The following GALK2 variants were observed in gnomAD, a reference collection of about 807,000 sequenced individuals.
GALK2 encodes N-acetylgalactosamine kinase.
In GALK2, 36 loss-of-function variants were observed where a neutral mutation model predicts 52.4. That is an observed-to-expected ratio of 0.69 (90% CI 0.53 to 0.91). GALK2 has a LOEUF of 0.91. Ranked by LOEUF, GALK2 falls within the 40% of genes least tolerant of loss-of-function variation. The pLI, the probability that GALK2 is intolerant of heterozygous loss-of-function variation, is 0.00. For missense variants in GALK2, 579 were observed against 559.1 expected, an observed-to-expected ratio of 1.04 and a Z score of -0.36; for synonymous variants, 176 against 199.1, an observed-to-expected ratio of 0.88 and a Z score of 0.98.
chr15:49,185,027 G>C (rs1003669534), intron 1 of GALK2, among the ~76,000 whole-genome samples: 83 of 152,184 alleles, frequency 5.5e-4, no homozygotes, highest in African/African-American at 1.9e-3. Flanking sequence ...GTGCACCTTT[G>C]TTATATGGGA....
chr15:49,222,870 C>G (rs8025550), intron 3 of GALK2, among the ~76,000 whole-genome samples: 37,718 of 152,044 alleles, frequency 0.25, 4,960 homozygotes, highest in African/African-American at 0.31. Flanking sequence ...TTACACCTTT[C>G]TCTAATTTTA....
Position 49,183,221 on chromosome 15 carries a change from C to T in GALK2, c.53+12846C>T, listed in dbSNP as rs189730551. ...TTATACTAATTTCGGGTTTGGCTTT[C>T]TCTTGTCTTTCCATGTTTAGATGCA... On this transcript the variant is annotated intron_variant, in intron 1 of 9. Transcript: ENST00000560031. 3.0e-4 allele frequency among the ~76,000 whole-genome samples: 45 copies of T among 152,008 alleles called. 1 individual carries two copies. The South Asian group carries it at 4.6e-3, about 15-fold the overall frequency.
Position 49,328,206 on chromosome 15 carries a change from T to C in GALK2, c.*47T>C, listed in dbSNP as rs2037868018. 1.3e-6 allele frequency: 2 copies of C among 1,563,368 alleles called. No individual in the cohort carries two copies. The highest frequency in any genetic ancestry group is 2.7e-5 in the African/African-American group (2 of 73,414). ...GAAACTACTTAGGGCACTTAGGAAT[T>C]GGCAGGACTTTCTGTGCCACAGTAA... On this transcript the variant is annotated 3_prime_UTR_variant, in exon 10 of 10. Transcript: ENST00000560031.
chr15:49,178,318 T>C (rs1479310424), intron 1 of GALK2: 1 of 132,380 alleles, frequency 7.6e-6, no homozygotes, highest in African/African-American at 2.6e-5. Flanking sequence ...TATGCACATA[T>C]ATGTATGTAC....
intron 5 of GALK2, among the ~76,000 whole-genome samples, chr15:49,264,991 GT>G (rs2092300758): frequency 6.6e-6 from 1 of 152,184 alleles, no homozygotes; most frequent in East Asian, 1.9e-4. Context: ...CTACTGGGGG[GT>G]GCCTCCCAGT....
At chr15:49,292,042 A>G (rs1216108342) in intron 7 of GALK2, among the ~76,000 whole-genome samples, 1 of 151,972 alleles carries the variant, frequency 6.6e-6, no homozygotes, top group African/African-American at 2.4e-5. Context: ...GAAAGTGGTG[A>G]CAGGCCAAAA....
At chr15:49,353,693 C>T (rs1226436084) in intron 3 of GALK2, 1 of 151,286 alleles carries the variant, frequency 6.6e-6, no homozygotes, top group Non-Finnish European at 1.5e-5. Flanking sequence ...TCACTTCGCC[C>T]AGAGTATTTT....
At chr15:49,261,795 C>G (rs2092123812) in intron 5 of GALK2, among the ~76,000 whole-genome samples, 1 of 152,062 alleles carries the variant, frequency 6.6e-6, no homozygotes, top group South Asian at 2.1e-4. Context: ...TGAATTTTGT[C>G]AAAGGCTTTT....
At chr15:49,295,551 C>G (rs560377300) in intron 8 of GALK2, among the ~76,000 whole-genome samples, 1 of 152,242 alleles carries the variant, frequency 6.6e-6, no homozygotes, top group South Asian at 2.1e-4. Flanking sequence ...CATGGTGTCA[C>G]TTAGTTCAGA....
upstream of GALK2, among the ~76,000 whole-genome samples, chr15:49,169,438 C>T (rs571491030): frequency 7.2e-5 from 11 of 152,170 alleles, no homozygotes; most frequent in African/African-American, 2.4e-4. Flanking sequence ...CACCTTTCGT[C>T]GTTCATTCAG....
At chr15:49,203,361 T>C (rs890633381) in intron 2 of GALK2, among the ~76,000 whole-genome samples, 2 of 152,292 alleles carry the variant, frequency 1.3e-5, no homozygotes, top group Non-Finnish European at 2.9e-5. Context: ...CATTTGCCAA[T>C]TTTTTAATTG....
intron 3 of GALK2, among the ~76,000 whole-genome samples, chr15:49,229,427 T>C (rs529858444): frequency 6.6e-6 from 1 of 152,180 alleles, no homozygotes; most frequent in African/African-American, 2.4e-5. Context: ...TGCATTGTTG[T>C]TGGTGGCTGT....
At chr15:49,337,481 G>GAA (rs2039929735) in intron 3 of GALK2, among the ~76,000 whole-genome samples, 6 of 36,916 alleles carry the variant, frequency 1.6e-4, no homozygotes, top group African/African-American at 6.2e-4. Context: ...TTGGACACTT[G>GAA]CAATGTCTGT....
intron 3 of GALK2, among the ~76,000 whole-genome samples, chr15:49,359,932 C>G (rs2043887065): frequency 1.3e-5 from 2 of 150,180 alleles, no homozygotes; most frequent in African/African-American, 4.9e-5. Context: ...AGTTCATGTC[C>G]TTTGTATGGA....
At chr15:49,339,602 C>G (rs2151209215) in intron 3 of GALK2, among the ~76,000 whole-genome samples, 1 of 152,276 alleles carries the variant, frequency 6.6e-6, no homozygotes, top group East Asian at 1.9e-4. Context: ...ACCCAGGTGT[C>G]AGGGACCCAC....
intron 3 of GALK2, chr15:49,353,639 C>A (rs1008747230): frequency 2.1e-5 from 3 of 140,410 alleles, no homozygotes; most frequent in Non-Finnish European, 3.0e-5. Flanking sequence ...TGTAAAATCT[C>A]ATAAATAATA....
At chr15:49,353,650 G>A (rs1471308931) in intron 3 of GALK2, 9 of 131,482 alleles carry the variant, frequency 6.8e-5, no homozygotes, top group Non-Finnish European at 1.4e-4. Context: ...ATAAATAATA[G>A]AACAAACTTT....
intron 5 of GALK2, among the ~76,000 whole-genome samples, chr15:49,272,541 G>T (rs145915954): frequency 1.3e-5 from 2 of 152,138 alleles, no homozygotes; most frequent in Non-Finnish European, 2.9e-5. Context: ...TCAATGCTGC[G>T]TGTGAAGACT....
chr15:49,299,293 C>T (rs1180294809), intron 8 of GALK2, among the ~76,000 whole-genome samples: 3 of 152,004 alleles, frequency 2.0e-5, no homozygotes, highest in Non-Finnish European at 4.4e-5. Context: ...TCTTTATTAA[C>T]TAGGCAGCAG....
Sources: allele counts gnomAD v4.1 joint callset (sites outside exome capture counted in the v4.1 genomes callset), GRCh38; gene constraint gnomAD v4.1.1; transcripts MANE v1.5; gene names NCBI Gene and HGNC (gene_info 2026-07-23, HGNC 2026-07-21).